Variants in MYCBP2 observed in about 807,000 individuals in gnomAD.
MYCBP2 encodes E3 ubiquitin-protein ligase MYCBP2.
A neutral mutation model predicts 525.3 loss-of-function variants in MYCBP2; 120 were observed. The observed-to-expected ratio is 0.23, with a 90% CI of 0.20 to 0.27. MYCBP2 has a LOEUF of 0.27. Ranked by LOEUF, MYCBP2 falls within the 10% of genes least tolerant of loss-of-function variation. MYCBP2 has a pLI of 1.00. For synonymous variants in MYCBP2, 1,894 were observed against 1,955.8 expected, an observed-to-expected ratio of 0.97 and a Z score of 0.83; for missense variants, 4,149 against 5,657.1, an observed-to-expected ratio of 0.73 and a Z score of 8.55.
At chr13:77,172,034 G>C (rs2059190927) in intron 37 of MYCBP2, among the ~76,000 whole-genome samples, 1 of 152,034 alleles carries the variant, frequency 6.6e-6, no homozygotes, top group African/African-American at 2.4e-5. Flanking sequence ...CCAAATAGCT[G>C]GGATTATAGG....
At position 77,090,175 on chromosome 13, in the gene MYCBP2, T is replaced by C. The variant is rs1377230387; in HGVS notation, c.10456A>G (p.Lys3486Glu). 2 of 1,612,810 alleles carry C rather than the reference T, an allele frequency of 1.2e-6. No homozygotes were observed. Among genetic ancestry groups the C allele is most frequent in the Non-Finnish European group, 1.7e-6 (2 of 1,179,322 alleles). ...CGTGCAGGTAAAATGGAGTGTTGTT[T>C]ATCATATTCGGAAGCAACAACTGAG... is the stretch of plus-strand genomic sequence containing the variant. ...SYSVVASEYD[K>E]QHSILPARVK... is the part of the protein sequence containing the mutation. Residue 3486 changes from lysine to glutamate, a missense_variant, in exon 60 of 83, where the codon AAA (lysine) becomes GAA (glutamate). Lys to Glu is a moderately conservative substitution (Grantham distance 56). Around this residue, in one of 21 missense-constraint regions of MYCBP2, gnomAD observed 509 missense variants for 789.4 expected, o/e 0.64. Transcript: ENST00000544440.
chr13:77,310,762 ACACAGACGTGTGTGCGTGCGCATG>A (rs1432439012), intron 1 of MYCBP2, among the ~76,000 whole-genome samples: 1 of 142,460 alleles, frequency 7.0e-6, no homozygotes, highest in African/African-American at 2.5e-5. Context: ...ACACACAGAG[ACACAGACGTGTGTGCGTGCGCATG>A]CACACACACA....
rs549546571 is a variant in MYCBP2, at chr13:77,238,794, C to A, written c.2629+4265G>T. 1.3e-4 allele frequency among the ~76,000 whole-genome samples: 20 copies of A among 152,286 alleles called. 1 individual carries two copies. The South Asian group carries it at 4.1e-3, about 32-fold the overall frequency. ...GTGTCATAAAACAGTAACTAAATTA[C>A]GTCAATAGGCCTGAAGCTGTCTGAG... is the stretch of plus-strand genomic sequence containing the variant. On this transcript the variant is annotated intron_variant, in intron 17 of 82. Transcript: ENST00000544440.
At chr13:77,117,234 A>G (rs2049933032) in intron 55 of MYCBP2, among the ~76,000 whole-genome samples, 2 of 152,074 alleles carry the variant, frequency 1.3e-5, no homozygotes, top group Non-Finnish European at 2.9e-5. Flanking sequence ...TTTCTTTGAA[A>G]TTCTTCTCTT....
rs2055206179 is a variant in MYCBP2 at position 77,144,522 on chromosome 13, C to T, written c.7226G>A (p.Gly2409Glu). ...TGGAGTCCAATTTGCACAATAAGTCCCATCATTATTGACACGGATCAGCAT... is the reference window on the plus strand; with the variant it reads ...TGGAGTCCAATTTGCACAATAAGTCTCATCATTATTGACACGGATCAGCAT... ...ENMLIRVNND[G>E]TYCANWTPGA... Residue 2409 changes from glycine to glutamate, a missense_variant, in exon 49 of 83, where the codon GGG becomes GAG. Physicochemically the swap from Gly to Glu is moderately conservative, Grantham distance 98. This residue lies in a region of MYCBP2 where 692 missense variants were observed against 852.7 expected (regional missense o/e 0.81). Transcript: ENST00000544440. The T allele has an allele frequency of 6.2e-7, 1 of 1,613,254 alleles. No individual in the cohort carries two copies. Among genetic ancestry groups the T allele is most frequent in the Non-Finnish European group, 8.5e-7 (1 of 1,179,404 alleles).
chr13:77,215,769 T>C (rs915553706), intron 21 of MYCBP2, among the ~76,000 whole-genome samples: 2 of 152,130 alleles, frequency 1.3e-5, no homozygotes, highest in African/African-American at 4.8e-5. Flanking sequence ...TTAATAGAGA[T>C]GGGGTCTCAC....
rs767010977 is a variant in MYCBP2 at position 77,068,611 on chromosome 13, T to A, written c.12125A>T (p.Asp4042Val). ...GGCTGTGTGAAGCAGCGAGAAGAGA[T>A]CCTGAAGCAGGGTTAGCTGTTGAGC... ...YLAQQLTLLQ[D>V]LFSLLHTASP... The change falls in exon 70 of 83, where the codon GAT becomes GTT. Residue 4042 changes from aspartate to valine, a missense_variant. Physicochemically the swap from Asp to Val is radical, Grantham distance 152. This residue lies in a region of MYCBP2 where 64 missense variants were observed against 131.2 expected (regional missense o/e 0.49). Coordinates refer to ENST00000544440, the MANE Select transcript of MYCBP2 (RefSeq NM_015057.5). The A allele has an allele frequency of 1.9e-6, 3 of 1,614,016 alleles. No individual in the cohort carries two copies. In the Admixed American group the frequency reaches 5.0e-5, roughly 27 times the overall value.
intron 6 of MYCBP2, 35 bp downstream of exon 6, chr13:77,270,261 C>T (rs1555450214): frequency 6.3e-7 from 1 of 1,577,036 alleles, no homozygotes; most frequent in Non-Finnish European, 8.6e-7. Context: ...GGTTATAACT[C>T]TGTATAATTA....
At chr13:77,096,562 C>A in intron 56 of MYCBP2, 81 bp from the exon 57 acceptor site, 1 of 1,422,712 alleles carries the variant, frequency 7.0e-7, no homozygotes, top group Non-Finnish European at 9.5e-7. Flanking sequence ...ACATTAATGA[C>A]AGATTTACCT....
chr13:77,273,356 G>C, intron 5 of MYCBP2, 116 bp downstream of exon 5: 1 of 758,256 alleles, frequency 1.3e-6, no homozygotes, highest in East Asian at 2.8e-5. Context: ...ATCAATCTTG[G>C]ACAGATTAAG....
chr13:77,309,511 A>T (rs1353011074), intron 1 of MYCBP2, among the ~76,000 whole-genome samples: 1 of 152,166 alleles, frequency 6.6e-6, no homozygotes, highest in African/African-American at 2.4e-5. Context: ...CAAAGAAGAA[A>T]ATTCAGAGAG....
chr13:77,046,847 TAGAA>T (rs1408775997), intron 82 of MYCBP2, among the ~76,000 whole-genome samples: 1 of 152,162 alleles, frequency 6.6e-6, no homozygotes, highest in African/African-American at 2.4e-5. Flanking sequence ...TTATTCCTGT[TAGAA>T]AGTAGTTCAG....
At chr13:77,203,866 C>T (rs12020468) in intron 26 of MYCBP2, among the ~76,000 whole-genome samples, 38,466 of 151,532 alleles carry the variant, frequency 0.25, 6,072 homozygotes, top group Non-Finnish European at 0.35. Context: ...AAACTGGATC[C>T]CTTCCTTACA....
chr13:77,219,812 G>A (rs1038970785), intron 20 of MYCBP2, among the ~76,000 whole-genome samples: 1 of 152,228 alleles, frequency 6.6e-6, no homozygotes, highest in African/African-American at 2.4e-5. Context: ...CATACCGAGA[G>A]CAGGAGTTTT....
At chr13:77,123,280 A>T (rs2051073517) in intron 54 of MYCBP2, among the ~76,000 whole-genome samples, 1 of 152,226 alleles carries the variant, frequency 6.6e-6, no homozygotes, top group East Asian at 1.9e-4. Context: ...TAAGATTCAC[A>T]TGATCACCAA....
intron 14 of MYCBP2, among the ~76,000 whole-genome samples, chr13:77,254,820 A>C (rs917478884): frequency 2.6e-5 from 4 of 151,668 alleles, no homozygotes; most frequent in African/African-American, 9.7e-5. Context: ...CCATGAAATC[A>C]ATTTTTTAGT....
chr13:77,068,010 C>T, intron 70 of MYCBP2, 146 bp from the exon 71 acceptor site: 2 of 737,260 alleles, frequency 2.7e-6, no homozygotes, highest in Non-Finnish European at 4.3e-6. Context: ...TCACTGCAGC[C>T]TTGAACTCCT....
Position 77,166,458 on chromosome 13 carries a change from C to T in MYCBP2, c.6211G>A (p.Val2071Ile), listed in dbSNP as rs370595507. ...SEDVLRLLIP[V>I]RTVQNSGYGP... Reference sequence around the variant, plus strand: ...TATCCTGAATTCTGAACAGTTCTGACAGGAATCAACAAACGAAGGACATCT... The same window carrying T: ...TATCCTGAATTCTGAACAGTTCTGATAGGAATCAACAAACGAAGGACATCT... Residue 2071 changes from valine to isoleucine, a missense_variant, in exon 41 of 83, where the codon GTC (valine) becomes ATC (isoleucine). Physicochemically the swap from Val to Ile is conservative, Grantham distance 29 (BLOSUM62 3). This residue lies in a region of MYCBP2 where 692 missense variants were observed against 852.7 expected (regional missense o/e 0.81). Transcript: ENST00000544440. 2.1e-5 allele frequency: 34 copies of T among 1,613,898 alleles called. No homozygotes were observed. Among genetic ancestry groups the T allele is most frequent in the Non-Finnish European group, 2.6e-5 (31 of 1,179,930 alleles).
chr13:77,178,908 A>G (rs1308342136), intron 34 of MYCBP2, among the ~76,000 whole-genome samples: 3 of 152,222 alleles, frequency 2.0e-5, no homozygotes, highest in Admixed American at 6.5e-5. Context: ...AGAGTATACT[A>G]TCAAAGGAAG....
Sources: allele counts gnomAD v4.1 joint callset (sites outside exome capture counted in the v4.1 genomes callset), GRCh38; gene constraint gnomAD v4.1.1; regional missense constraint gnomAD v4.1.1; transcripts MANE v1.5; gene names NCBI Gene and HGNC (gene_info 2026-07-23, HGNC 2026-07-21).